Variants in CPT1A observed in about 807,000 individuals in gnomAD.
CPT1A encodes carnitine O-palmitoyltransferase 1, liver isoform.
A neutral mutation model predicts 100.8 loss-of-function variants in CPT1A; 64 were observed. That is an observed-to-expected ratio of 0.63 (90% CI 0.52 to 0.78). The LOEUF (loss-of-function observed/expected upper bound fraction) is 0.78. Among genes scored for constraint, CPT1A ranks in the 30% least tolerant of loss-of-function variants. CPT1A has a pLI of 0.00. For missense variants in CPT1A, 802 were observed against 1,034.1 expected (o/e 0.78, Z 3.08); for synonymous variants, 363 against 396.0 (o/e 0.92, Z 0.99).
rs775174553 is a variant in CPT1A at position 68,784,983 on chromosome 11, T to G, written c.995A>C (p.Lys332Thr). The G allele has an allele frequency of 6.2e-7, 1 of 1,613,974 alleles. No individual in the cohort carries two copies. Among genetic ancestry groups the G allele is most frequent in the Non-Finnish European group, 8.5e-7 (1 of 1,180,028 alleles). Residue 332 changes from lysine (K) to threonine (T), a missense_variant, in exon 10 of 19, where the codon AAG becomes ACG. By Grantham distance (78) the Lys-to-Thr change is moderately conservative. This residue lies in a region of CPT1A where 627 missense variants were observed against 799.3 expected (regional missense o/e 0.78). Coordinates refer to ENST00000265641, the MANE Select transcript of CPT1A (RefSeq NM_001876.4). ...TDTIQHMRDS[K>T]HIVVYHRGRY... is the part of the protein sequence containing the mutation. The stretch of plus-strand genomic sequence containing the variant: ...TCCTCGATGGTACACGACGATGTGC[T>G]TGCTGTCTCTCATGTGCTGGATGGT...
chr11:68,817,143 G>GTGTGTGTGTC lies in CPT1A; in HGVS notation c.-13-1666_-13-1657dup, dbSNP rs1328444303. Among the ~76,000 whole-genome samples, 72 of 130,776 alleles carry GTGTGTGTGTC rather than the reference G, an allele frequency of 5.5e-4. No homozygotes were observed. In the South Asian group the frequency reaches 0.018, roughly 32 times the overall value. The allele number at this position is 130,776 out of a possible 152,430, so 85.8% of individuals were successfully genotyped here. ...TGTGGTGATGTGTGGTTGTGTGGGG[G>GTGTGTGTGTC]TGTGTGTGTCTGTGTGTGTGTGTGT... On this transcript the variant is annotated intron_variant, in intron 1 of 18. Coordinates refer to ENST00000265641, the MANE Select transcript of CPT1A (RefSeq NM_001876.4).
chr11:68,839,490 C>T (rs1857108531), intron 1 of CPT1A: 2 of 985,000 alleles, frequency 2.0e-6, no homozygotes, highest in Non-Finnish European at 2.4e-6. Flanking sequence ...AGAGACCTTC[C>T]GGAGCGAGTT....
In CPT1A at chr11:68,812,564, T is replaced by G. The variant is rs746197321; in HGVS notation, c.154A>C (p.Thr52Pro). The change falls in exon 3 of 19, where the codon ACT (threonine) becomes CCT (proline). Residue 52 changes from threonine (T) to proline (P), a missense_variant. Thr to Pro is a conservative substitution (Grantham distance 38, BLOSUM62 -1). This residue lies in a region of CPT1A where 161 missense variants were observed against 183.7 expected (regional missense o/e 0.88). Coordinates refer to ENST00000265641, the MANE Select transcript of CPT1A (RefSeq NM_001876.4). ...GAGGGGCTTGCCGGGTACACGCCAGTGATGATGCCGTTCTAAAGACAGACA... is the reference window on the plus strand; with the variant it reads ...GAGGGGCTTGCCGGGTACACGCCAGGGATGATGCCGTTCTAAAGACAGACA... ...KFIRFKNGII[T>P]GVYPASPSSW... 1.2e-6 allele frequency: 2 copies of G among 1,614,052 alleles called. No homozygotes were observed. The highest frequency in any genetic ancestry group is 1.7e-6 in the Non-Finnish European group (2 of 1,180,004).
At chr11:68,796,646 C>A (rs1286627234) in intron 7 of CPT1A, among the ~76,000 whole-genome samples, 1 of 152,188 alleles carries the variant, frequency 6.6e-6, no homozygotes, top group Non-Finnish European at 1.5e-5. Context: ...AACCCAAATC[C>A]CCCTGCAGTA....
At chr11:68,799,129 G>C in intron 6 of CPT1A, 89 bp downstream of exon 6, 1 of 1,267,562 alleles carries the variant, frequency 7.9e-7, no homozygotes, top group Non-Finnish European at 1.1e-6. Flanking sequence ...AATCCAAACT[G>C]TCATTTCAGC....
chr11:68,758,911 C>A (rs1268847514), intron 18 of CPT1A, among the ~76,000 whole-genome samples: 1 of 151,938 alleles, frequency 6.6e-6, no homozygotes, highest in Admixed American at 6.6e-5. Context: ...AGCCACCGTG[C>A]CTGGCTGAGA....
At chr11:68,838,573 A>AAAAAAAAAAAAAAAAAAAAAG (rs1857073530) in intron 1 of CPT1A, among the ~76,000 whole-genome samples, 1 of 112,846 alleles carries the variant, frequency 8.9e-6, no homozygotes, top group African/African-American at 4.8e-5. Context: ...GCACCTTTTT[A>AAAAAAAAAAAAAAAAAAAAAG]AAAAAAAAAA....
intron 1 of CPT1A, among the ~76,000 whole-genome samples, chr11:68,838,571 T>TAAAAAAAAAAAACAA (rs1177976460): frequency 4.0e-5 from 3 of 74,210 alleles, no homozygotes; most frequent in African/African-American, 9.3e-5. Context: ...CTGCACCTTT[T>TAAAAAAAAAAAACAA]TAAAAAAAAA....
chr11:68,787,200 G>A (rs1327330628), intron 9 of CPT1A, among the ~76,000 whole-genome samples: 1 of 152,028 alleles, frequency 6.6e-6, no homozygotes, highest in African/African-American at 2.4e-5. Flanking sequence ...ACTTTGGGAG[G>A]CCGAGGAAGG....
chr11:68,774,134 C>A (rs1301757222), intron 13 of CPT1A, among the ~76,000 whole-genome samples: 1 of 152,226 alleles, frequency 6.6e-6, no homozygotes, highest in Admixed American at 6.5e-5. Flanking sequence ...CCAAGTTGGC[C>A]GCTTGGCCCT....
chr11:68,794,653 C>T (rs911195516), intron 8 of CPT1A, 151 bp downstream of exon 8: 14 of 699,798 alleles, frequency 2.0e-5, no homozygotes, highest in African/African-American at 8.8e-5. Context: ...TCAGATGATC[C>T]GCCTGCTTTG....
At chr11:68,822,363 C>T (rs542740618) in intron 1 of CPT1A, among the ~76,000 whole-genome samples, 7 of 152,134 alleles carry the variant, frequency 4.6e-5, no homozygotes, top group African/African-American at 1.7e-4. Flanking sequence ...AAGACCTCAT[C>T]TCTATTAAAA....
chr11:68,778,948 G>C (rs1353385391), intron 12 of CPT1A, among the ~76,000 whole-genome samples: 11 of 151,762 alleles, frequency 7.2e-5, no homozygotes, highest in Non-Finnish European at 1.6e-4. Context: ...ACCACGCCCG[G>C]CTAATTTTTG....
chr11:68,768,041 T>A (rs951399291), intron 14 of CPT1A, among the ~76,000 whole-genome samples: 75 of 148,726 alleles, frequency 5.0e-4, no homozygotes, highest in African/African-American at 1.8e-3. Context: ...TTGAGACCTG[T>A]CTCAGACACT....
In CPT1A at chr11:68,784,923, C is replaced by T. The variant is rs374383052; in HGVS notation, c.1055G>A (p.Arg352Gln). ...YFKVWLYHDG[R>Q]LLKPREMEQQ... Reference sequence around the variant, plus strand: ...CTCCATCTCCCGGGGCTTCAGCAGCCGCCCATCATGGTAGAGCCAGACCTT... The same window carrying T: ...CTCCATCTCCCGGGGCTTCAGCAGCTGCCCATCATGGTAGAGCCAGACCTT... The change falls in exon 10 of 19, where the codon CGG (arginine) becomes CAG (glutamine). Residue 352 changes from arginine (R) to glutamine (Q), a missense_variant. By Grantham distance (43) the Arg-to-Gln change is conservative. Around this residue, in one of 4 missense-constraint regions of CPT1A, gnomAD observed 627 missense variants for 799.3 expected, o/e 0.78. Transcript: ENST00000265641. 1.2e-3 allele frequency: 1,919 copies of T among 1,614,058 alleles called. 36 individuals carry two copies. The South Asian group carries it at 0.02, about 17-fold the overall frequency.
At chr11:68,768,955 G>C (rs541944741) in intron 14 of CPT1A, among the ~76,000 whole-genome samples, 1 of 152,202 alleles carries the variant, frequency 6.6e-6, no homozygotes, top group East Asian at 1.9e-4. Context: ...AACCCCGTAG[G>C]CAAAAATCTA....
At chr11:68,778,576 A>G (rs983798987) in intron 12 of CPT1A, among the ~76,000 whole-genome samples, 4 of 151,690 alleles carry the variant, frequency 2.6e-5, no homozygotes, top group Admixed American at 2.6e-4. Context: ...TGTGCCTATA[A>G]TCCCAGCTAC....
intron 9 of CPT1A, 38 bp downstream of exon 9, chr11:68,793,277 G>A (rs1262782642): frequency 5.4e-6 from 8 of 1,488,692 alleles, no homozygotes; most frequent in Non-Finnish European, 7.4e-6. Context: ...GATGGAAAGT[G>A]CCGATTCTCC....
chr11:68,821,854 G>A (rs569635108), intron 1 of CPT1A, among the ~76,000 whole-genome samples: 1 of 152,230 alleles, frequency 6.6e-6, no homozygotes, highest in Non-Finnish European at 1.5e-5. Flanking sequence ...ATCCCCCCAA[G>A]GATAAGGGGG....
Sources: gnomAD v4.1 joint callset for allele counts (sites outside exome capture counted in the v4.1 genomes callset) on GRCh38, gnomAD v4.1.1 for gene constraint, gnomAD v4.1.1 regional missense constraint, MANE v1.5 for transcripts, NCBI Gene and HGNC (gene_info 2026-07-23, HGNC 2026-07-21) for gene names.